Variants in KIF18A observed in about 807,000 individuals in gnomAD.
KIF18A encodes the protein kinesin-like protein KIF18A.
KIF18A carries 67 observed loss-of-function variants against 103.3 expected under a neutral mutation model. The ratio of observed to expected loss-of-function variants is 0.65; its 90% CI spans 0.53 to 0.79. The LOEUF is 0.79. Among genes scored for constraint, KIF18A ranks in the 30% least tolerant of loss-of-function variants. The pLI is 0.00. For synonymous variants in KIF18A, 367 were observed against 355.5 expected, an observed-to-expected ratio of 1.03 and a Z score of -0.36; for missense variants, 1,032 against 1,062.5, an observed-to-expected ratio of 0.97 and a Z score of 0.40.
chr11:28,070,723 C>G (rs953620417), intron 10 of KIF18A, among the ~76,000 whole-genome samples: 1 of 152,268 alleles, frequency 6.6e-6, no homozygotes, highest in Non-Finnish European at 1.5e-5. Context: ...CTGACCACAG[C>G]GCTAGGATGA....
intron 5 of KIF18A, among the ~76,000 whole-genome samples, chr11:28,089,836 C>G (rs1327500350): frequency 6.6e-6 from 1 of 152,140 alleles, no homozygotes; most frequent in African/African-American, 2.4e-5. Flanking sequence ...ATTATAAACC[C>G]ATTTATTAAA....
intron 1 of KIF18A, among the ~76,000 whole-genome samples, chr11:28,104,088 TATAAC>T (rs1457482076): frequency 2.0e-5 from 3 of 152,342 alleles, no homozygotes; most frequent in Non-Finnish European, 2.9e-5. Flanking sequence ...ATTTTTAACT[TATAAC>T]ATATGTAGCT....
chr11:28,043,783 C>A (rs758376120), intron 13 of KIF18A, among the ~76,000 whole-genome samples: 14 of 151,746 alleles, frequency 9.2e-5, no homozygotes, highest in Admixed American at 4.0e-4. Flanking sequence ...GAAATATAAT[C>A]CAATTCATCA....
chr11:28,023,697 A>G, intron 16 of KIF18A, 44 bp downstream of exon 16: 2 of 1,086,414 alleles, frequency 1.8e-6, no homozygotes. Flanking sequence ...TATGTGTGTT[A>G]CAGAGTCATA....
chr11:28,021,178 T>G lies in KIF18A; in HGVS notation c.*22A>C. On this transcript the variant is annotated 3_prime_UTR_variant, in exon 17 of 17. Transcript: ENST00000263181. ...TGAAAAGCAGATTTGATCAACTTCA[T>G]TTTGCTTGGTTTTGAAGTGATTTAT... is the stretch of plus-strand genomic sequence containing the variant. The G allele has an allele frequency of 6.8e-7, 1 of 1,475,544 alleles. No individual in the cohort carries two copies. The highest frequency in any genetic ancestry group is 9.0e-7 in the Non-Finnish European group (1 of 1,110,554). The allele number at this position is 1,475,544 out of a possible 1,614,324, so 91.4% of individuals were successfully genotyped here. A position where few individuals can be genotyped will look rare whatever the true frequency, so the allele number is the denominator to read the frequency against.
chr11:28,082,858 T>G lies in KIF18A; in HGVS notation c.1260A>C (p.Glu420Asp). The G allele has an allele frequency of 6.4e-7, 1 of 1,556,812 alleles. No individual in the cohort carries two copies. The highest frequency in any genetic ancestry group is 8.8e-7 in the Non-Finnish European group (1 of 1,138,726). The change falls in exon 9 of 17, where the codon GAA becomes GAC. Residue 420 changes from glutamate to aspartate, a missense_variant and splice_region_variant. By Grantham distance (45) the Glu-to-Asp change is conservative. Transcript: ENST00000263181. Reference sequence around the variant, plus strand: ...TTAGATCTTAATGTAATGTTTACCTTTCGATTTCTTTTTCCTGAGGGTTTG... The same window carrying G: ...TTAGATCTTAATGTAATGTTTACCTGTCGATTTCTTTTTCCTGAGGGTTTG... ...MISNPQEKEI[E>D]RFQEILNCLF...
intron 1 of KIF18A, among the ~76,000 whole-genome samples, chr11:28,105,557 T>G (rs1321635338): frequency 6.6e-6 from 1 of 152,164 alleles, no homozygotes; most frequent in Non-Finnish European, 1.5e-5. Flanking sequence ...TGCCATGAAC[T>G]TATTTATCTT....
chr11:28,022,562 C>A (rs550511730), intron 16 of KIF18A, among the ~76,000 whole-genome samples: 1 of 152,126 alleles, frequency 6.6e-6, no homozygotes, highest in Non-Finnish European at 1.5e-5. Context: ...CCACGGCGCC[C>A]GGCCAATTTG....
chr11:28,070,564 A>C (rs1850999687), intron 10 of KIF18A, among the ~76,000 whole-genome samples: 1 of 151,894 alleles, frequency 6.6e-6, no homozygotes, highest in Admixed American at 6.6e-5. Flanking sequence ...AAGGTTCCTG[A>C]CTCTTTTTTA....
At chr11:28,041,916 T>C (rs1850565756) in intron 13 of KIF18A, among the ~76,000 whole-genome samples, 1 of 151,844 alleles carries the variant, frequency 6.6e-6, no homozygotes, top group South Asian at 2.1e-4. Context: ...TTTATGCATG[T>C]CATTCCCTCA....
chr11:28,086,878 G>A lies in KIF18A; in HGVS notation c.897+1646C>T, dbSNP rs867492387. Among the ~76,000 whole-genome samples the A allele has an allele frequency of 4.6e-5, 7 of 152,112 alleles. No individual in the cohort carries two copies. In the South Asian group the frequency reaches 6.2e-4, roughly 14 times the overall value. On this transcript the variant is annotated intron_variant, in intron 6 of 16. Transcript: ENST00000263181. ...GCTTAAGTTTACAAAATCCGTCTCT[G>A]TGTCATGCTGTCTGCTTACAAGTTT...
chr11:28,090,535 A>T, intron 5 of KIF18A, 82 bp downstream of exon 5: 1 of 808,356 alleles, frequency 1.2e-6, no homozygotes, highest in Non-Finnish European at 2.1e-6. Flanking sequence ...TTTTTTTCAC[A>T]TGTATGAAAA....
intron 6 of KIF18A, among the ~76,000 whole-genome samples, chr11:28,087,095 T>C (rs1324890027): frequency 6.6e-6 from 1 of 152,228 alleles, no homozygotes; most frequent in Non-Finnish European, 1.5e-5. Context: ...TTTTTAATTA[T>C]ATTTTAAGTT....
intron 1 of KIF18A, among the ~76,000 whole-genome samples, chr11:28,106,551 C>T (rs1194662697): frequency 1.2e-5 from 1 of 82,336 alleles, no homozygotes; most frequent in African/African-American, 4.2e-5. Context: ...CAGTTGTCAG[C>T]AAAAAAAAAA....
chr11:28,042,919 G>A (rs16917689), intron 13 of KIF18A, among the ~76,000 whole-genome samples: 44,021 of 151,568 alleles, frequency 0.29, 7,230 homozygotes, highest in African/African-American at 0.44. Context: ...ACTCTTAAGG[G>A]AAGGCATGGA....
At chr11:28,046,904 A>G (rs1198029732) in intron 13 of KIF18A, among the ~76,000 whole-genome samples, 2 of 151,066 alleles carry the variant, frequency 1.3e-5, no homozygotes, top group Non-Finnish European at 3.0e-5. Context: ...ATACAAAAAA[A>G]TTAGCCGGGC....
chr11:28,104,777 T>G (rs1052080574), intron 1 of KIF18A, among the ~76,000 whole-genome samples: 3 of 152,184 alleles, frequency 2.0e-5, no homozygotes, highest in African/African-American at 7.2e-5. Context: ...AAATACTTGT[T>G]GAATAAATGA....
At chr11:28,032,120 T>A (rs748536333) in intron 15 of KIF18A, among the ~76,000 whole-genome samples, 25 of 146,310 alleles carry the variant, frequency 1.7e-4, no homozygotes, top group Non-Finnish European at 3.6e-4. Flanking sequence ...AAAAAAGTAA[T>A]CCCCTTTACA....
intron 11 of KIF18A, among the ~76,000 whole-genome samples, chr11:28,067,971 T>A (rs1349590930): frequency 6.6e-6 from 1 of 152,210 alleles, no homozygotes; most frequent in Non-Finnish European, 1.5e-5. Flanking sequence ...TGCACACATA[T>A]GTTTATTGCA....
Sources: allele counts gnomAD v4.1 joint callset (sites outside exome capture counted in the v4.1 genomes callset), GRCh38; gene constraint gnomAD v4.1.1; transcripts MANE v1.5; gene names NCBI Gene and HGNC (gene_info 2026-07-23, HGNC 2026-07-21).